The following DDC variants were observed in gnomAD, a reference collection of about 807,000 sequenced individuals.
DDC encodes aromatic-L-amino-acid decarboxylase.
A neutral mutation model predicts 60.0 loss-of-function variants in DDC; 43 were observed. The observed-to-expected ratio is 0.72, with a 90% CI of 0.56 to 0.92. The LOEUF is 0.92. DDC is among the 40% of genes least tolerant of loss of function. The pLI, the probability that DDC is intolerant of heterozygous loss-of-function variation, is 0.00. For synonymous variants in DDC, 232 were observed against 234.6 expected, an observed-to-expected ratio of 0.99 and a Z score of 0.10; for missense variants, 573 against 620.2, an observed-to-expected ratio of 0.92 and a Z score of 0.81.
chr7:50,517,985 G>A (rs182388326), intron 6 of DDC, among the ~76,000 whole-genome samples: 15 of 152,020 alleles, frequency 9.9e-5, no homozygotes, highest in Non-Finnish European at 1.6e-4. Context: ...TGAGATGGGC[G>A]GATCACAAGT....
intron 12 of DDC, 129 bp from the exon 13 acceptor site, chr7:50,467,444 C>T (rs1467877160): frequency 1.3e-6 from 1 of 761,470 alleles, no homozygotes. Flanking sequence ...TCCTCAAGTG[C>T]TTTTACCGTT....
At chr7:50,479,534 C>A (rs1292323114) in intron 10 of DDC, among the ~76,000 whole-genome samples, 2 of 152,230 alleles carry the variant, frequency 1.3e-5, no homozygotes, top group Admixed American at 6.5e-5. Flanking sequence ...CCTGCCCCTG[C>A]TCCTGCAATG....
In DDC at chr7:50,506,068, G is replaced by A. The variant is rs1168407410; in HGVS notation, c.715-2009C>T. Reference sequence around the variant, plus strand: ...GTTGTGGTTTCCACAGGAAGAACCAGGCAGGGCAAGGGTGAGCAGGATTAG... The same window carrying A: ...GTTGTGGTTTCCACAGGAAGAACCAAGCAGGGCAAGGGTGAGCAGGATTAG... On this transcript the variant is annotated intron_variant, in intron 6 of 14. Transcript: ENST00000444124. Among the ~76,000 whole-genome samples, 4 of 152,230 alleles carry A rather than the reference G, an allele frequency of 2.6e-5. No individual in the cohort carries two copies. In the East Asian group the frequency reaches 5.8e-4, roughly 22 times the overall value.
chr7:50,534,522 G>A (rs1466660806), intron 4 of DDC, among the ~76,000 whole-genome samples: 8 of 152,038 alleles, frequency 5.3e-5, no homozygotes, highest in Non-Finnish European at 7.4e-5. Context: ...GGCTTGAACC[G>A]GGAGGCAGTG....
chr7:50,555,374 C>A (rs1193117417), intron 1 of DDC, among the ~76,000 whole-genome samples: 1 of 152,106 alleles, frequency 6.6e-6, no homozygotes, highest in Non-Finnish European at 1.5e-5. Flanking sequence ...AGAGCTATTA[C>A]TATGCTCATT....
chr7:50,541,066 C>G (rs1255903920), intron 2 of DDC, among the ~76,000 whole-genome samples: 1 of 152,206 alleles, frequency 6.6e-6, no homozygotes, highest in Admixed American at 6.5e-5. Context: ...ACCCTCAGCC[C>G]CTGTGCATGG....
intron 1 of DDC, among the ~76,000 whole-genome samples, chr7:50,565,080 T>C (rs2045400079): frequency 6.6e-6 from 1 of 152,186 alleles, no homozygotes; most frequent in African/African-American, 2.4e-5. Flanking sequence ...GGAGTGACTG[T>C]GTGTGCATGG....
At chr7:50,553,154 A>G (rs541604172) in intron 1 of DDC, among the ~76,000 whole-genome samples, 52 of 152,334 alleles carry the variant, frequency 3.4e-4, no homozygotes, top group Admixed American at 5.9e-4. Context: ...GGGGATGGCA[A>G]CCATGCACTG....
At chr7:50,536,216 G>T (rs1385952731) in intron 4 of DDC, among the ~76,000 whole-genome samples, 1 of 152,076 alleles carries the variant, frequency 6.6e-6, no homozygotes, top group Non-Finnish European at 1.5e-5. Flanking sequence ...AAACTCAAAA[G>T]AATGCAACCA....
intron 9 of DDC, among the ~76,000 whole-genome samples, chr7:50,482,727 T>A (rs1419194612): frequency 6.6e-6 from 1 of 152,212 alleles, no homozygotes; most frequent in Non-Finnish European, 1.5e-5. Context: ...ATTATAGAAT[T>A]TTCTCCATAT....
intron 1 of DDC, among the ~76,000 whole-genome samples, chr7:50,559,882 G>A (rs568660042): frequency 2.4e-4 from 37 of 152,288 alleles, no homozygotes; most frequent in African/African-American, 8.7e-4. Flanking sequence ...GATCCCCCAG[G>A]CTATCTCTTT....
At chr7:50,520,875 G>A (rs2153543991) in intron 6 of DDC, among the ~76,000 whole-genome samples, 1 of 151,608 alleles carries the variant, frequency 6.6e-6, no homozygotes. Context: ...TCCAGCCTAG[G>A]CAACAGAGTA....
intron 9 of DDC, among the ~76,000 whole-genome samples, chr7:50,484,358 T>C (rs1009250218): frequency 9.2e-5 from 14 of 152,250 alleles, no homozygotes; most frequent in Admixed American, 5.9e-4. Flanking sequence ...TAGCTTAATT[T>C]TGATACTTAG....
Position 50,529,189 on chromosome 7 carries a change from A to G in DDC, c.570+19T>C. ...TTCGGGTCTTGAAGTCTTGGCTGAT[A>G]CCCCCACAACACACTCACCTGATCG... On this transcript the variant is annotated intron_variant, in intron 5 of 14. Transcript: ENST00000444124. 1 of 1,612,470 alleles carries G rather than the reference A, an allele frequency of 6.2e-7. No individual in the cohort carries two copies. The highest frequency in any genetic ancestry group is 8.5e-7 in the Non-Finnish European group (1 of 1,179,972).
chr7:50,535,917 C>T (rs1300624346), intron 4 of DDC, among the ~76,000 whole-genome samples: 1 of 152,154 alleles, frequency 6.6e-6, no homozygotes, highest in Non-Finnish European at 1.5e-5. Context: ...GACCCACTTT[C>T]CGATCTTATA....
At chr7:50,529,062 T>A in intron 5 of DDC, 146 bp downstream of exon 5, 1 of 1,076,172 alleles carries the variant, frequency 9.3e-7, no homozygotes, top group Middle Eastern at 3.0e-4. Flanking sequence ...AATCCACCCC[T>A]TCCCTGTAGT....
At chr7:50,485,702 T>C (rs768273055) in intron 9 of DDC, among the ~76,000 whole-genome samples, 2 of 152,208 alleles carry the variant, frequency 1.3e-5, no homozygotes, top group African/African-American at 2.4e-5. Context: ...TTAAGGTAGA[T>C]CACGTTACTG....
chr7:50,487,662 A>G (rs1186090496), intron 9 of DDC, among the ~76,000 whole-genome samples: 1 of 152,150 alleles, frequency 6.6e-6, no homozygotes, highest in East Asian at 1.9e-4. Flanking sequence ...TGTGGCCACA[A>G]GGTACCAAAT....
chr7:50,480,161 C>G (rs553438392), intron 9 of DDC, among the ~76,000 whole-genome samples: 1 of 152,196 alleles, frequency 6.6e-6, no homozygotes, highest in Non-Finnish European at 1.5e-5. Flanking sequence ...GGGGTCTCCT[C>G]GATGGCTTCC....
Sources: gnomAD v4.1 joint callset for allele counts (sites outside exome capture counted in the v4.1 genomes callset) on GRCh38, gnomAD v4.1.1 for gene constraint, MANE v1.5 for transcripts, NCBI Gene and HGNC (gene_info 2026-07-23, HGNC 2026-07-21) for gene names.